The following SPATA6 variants were observed in gnomAD, a reference collection of about 807,000 sequenced individuals.
The protein encoded by SPATA6 is spermatogenesis-associated protein 6.
A neutral mutation model predicts 65.3 loss-of-function variants in SPATA6; 56 were observed. The ratio of observed to expected loss-of-function variants is 0.86; its 90% confidence interval spans 0.69 to 1.07. SPATA6 has a LOEUF of 1.07. Among genes scored for constraint, SPATA6 ranks in the 50% least tolerant of loss-of-function variants. The pLI is 0.00. For missense variants in SPATA6, 590 were observed against 594.8 expected (o/e 0.99, Z 0.08); for synonymous variants, 199 against 213.2 (o/e 0.93, Z 0.58).
chr1:48,301,313 T>G (rs1348602146), intron 12 of SPATA6, among the ~76,000 whole-genome samples: 1 of 147,048 alleles, frequency 6.8e-6, no homozygotes, highest in Non-Finnish European at 1.5e-5. Context: ...GCCAGAAAAG[T>G]GAAAGACTGC....
rs767290511 is a variant in SPATA6, at chr1:48,305,805, TCATAGG to T, written c.1262_1267del (p.Ala421_Tyr422del). ...TTCATACCTATACTCGGGGTCACTG[TCATAGG>T]CAGAGTCTCTACATAAAAGACTTCT... On this transcript the variant is annotated inframe_deletion, in exon 12 of 13. Transcript: ENST00000371847. 3 of 1,611,846 alleles carry T rather than the reference TCATAGG, an allele frequency of 1.9e-6. No individual in the cohort carries two copies. The South Asian group carries it at 3.3e-5, about 18-fold the overall frequency.
At chr1:48,462,793 C>G (rs1214874171) in intron 1 of SPATA6, among the ~76,000 whole-genome samples, 1 of 152,186 alleles carries the variant, frequency 6.6e-6, no homozygotes, top group South Asian at 2.1e-4. Flanking sequence ...ATCTACTTCA[C>G]TGGGTTAAGG....
intron 3 of SPATA6, chr1:48,437,043 A>G (rs1176068567): frequency 4.4e-6 from 7 of 1,604,822 alleles, no homozygotes; most frequent in African/African-American, 1.3e-5. Context: ...AAAGGCCATC[A>G]GCAAGCAGTT....
At chr1:48,446,866 C>T (rs1242404774) in intron 3 of SPATA6, among the ~76,000 whole-genome samples, 1 of 151,994 alleles carries the variant, frequency 6.6e-6, no homozygotes, top group Non-Finnish European at 1.5e-5. Flanking sequence ...TCAATGACAG[C>T]AAAATACAGT....
chr1:48,450,618 A>G (rs890451588), intron 3 of SPATA6, among the ~76,000 whole-genome samples: 1 of 152,214 alleles, frequency 6.6e-6, no homozygotes, highest in African/African-American at 2.4e-5. Flanking sequence ...AGTGGAAAAT[A>G]TAACACCAAG....
intron 11 of SPATA6, among the ~76,000 whole-genome samples, chr1:48,338,994 A>G (rs1557583777): frequency 6.6e-6 from 1 of 152,054 alleles, no homozygotes; most frequent in Non-Finnish European, 1.5e-5. Flanking sequence ...ACTGCTCAAC[A>G]TAACTGGTAA....
Position 48,298,572 on chromosome 1 carries a change from G to C in SPATA6, c.*141C>G, listed in dbSNP as rs1239576830. 5 of 728,750 alleles carry C rather than the reference G, an allele frequency of 6.9e-6. No individual in the cohort carries two copies. The highest frequency in any genetic ancestry group is 1.1e-5 in the Non-Finnish European group (5 of 466,060). The allele number at this position is 728,750 out of a possible 1,614,324, so 45.1% of individuals were successfully genotyped here. A position where few individuals can be genotyped will look rare whatever the true frequency, so the allele number is the denominator to read the frequency against. On this transcript the variant is annotated 3_prime_UTR_variant, in exon 13 of 13. Coordinates refer to ENST00000371847, the MANE Select transcript of SPATA6 (RefSeq NM_019073.4). Reference sequence around the variant, plus strand: ...TGCCTATGATAATTTACCATTTGAAGTAATGAACTTATTCAAGTATAACTA... The same window carrying C: ...TGCCTATGATAATTTACCATTTGAACTAATGAACTTATTCAAGTATAACTA...
At chr1:48,314,361 C>A (rs1462631253) in intron 11 of SPATA6, among the ~76,000 whole-genome samples, 6 of 152,232 alleles carry the variant, frequency 3.9e-5, no homozygotes, top group Middle Eastern at 3.4e-3. Flanking sequence ...ACAGTGCAAT[C>A]AAACTAGAAC....
rs542423737 is a variant in SPATA6, at chr1:48,353,339, C to T, written c.1194+2331G>A. Among the ~76,000 whole-genome samples the T allele has an allele frequency of 5.2e-4, 79 of 150,808 alleles. 2 individuals carry two copies. The South Asian group carries it at 0.016, about 30-fold the overall frequency. ...ATAACAAAATAGTTAAAAAGAACCA[C>T]GAGTTAATACAAAGGAAAATAAATT... On this transcript the variant is annotated intron_variant, in intron 11 of 12. Transcript: ENST00000371847.
chr1:48,300,140 CTCTT>C (rs1284121386), intron 12 of SPATA6, among the ~76,000 whole-genome samples: 4 of 152,144 alleles, frequency 2.6e-5, no homozygotes, highest in Non-Finnish European at 4.4e-5. Context: ...GAAAAGGTAA[CTCTT>C]TCTTAAGGAT....
the SPATA6 span, among the ~76,000 whole-genome samples, chr1:48,286,947 G>T: frequency 5.3e-5 from 8 of 150,850 alleles, no homozygotes; most frequent in African/African-American, 2.0e-4. Flanking sequence ...ACTGAGGCAG[G>T]AGAATCACTT....
intron 11 of SPATA6, among the ~76,000 whole-genome samples, chr1:48,354,972 C>T (rs1324591690): frequency 6.6e-6 from 1 of 151,990 alleles, no homozygotes; most frequent in Non-Finnish European, 1.5e-5. Flanking sequence ...AAACTTAAAA[C>T]TGTAAAAACT....
At chr1:48,453,914 T>C (rs917196819) in intron 1 of SPATA6, among the ~76,000 whole-genome samples, 12 of 150,758 alleles carry the variant, frequency 8.0e-5, no homozygotes, top group African/African-American at 2.9e-4. Flanking sequence ...AGAAACACAA[T>C]TGGTCATAAT....
chr1:48,439,205 T>C (rs898398706), intron 3 of SPATA6, among the ~76,000 whole-genome samples: 1 of 152,164 alleles, frequency 6.6e-6, no homozygotes, highest in Non-Finnish European at 1.5e-5. Flanking sequence ...TTTTTCTCGG[T>C]ACTCTTTGTG....
chr1:48,311,699 T>C (rs963397396), intron 11 of SPATA6, among the ~76,000 whole-genome samples: 1 of 152,150 alleles, frequency 6.6e-6, no homozygotes, highest in African/African-American at 2.4e-5. Context: ...TTCATCTCAC[T>C]AGGGACTGTC....
intron 6 of SPATA6, among the ~76,000 whole-genome samples, chr1:48,401,803 T>C (rs1229336892): frequency 6.6e-6 from 1 of 152,146 alleles, no homozygotes; most frequent in Non-Finnish European, 1.5e-5. Flanking sequence ...TCCACAGAAC[T>C]GTGAGAAACA....
At chr1:48,367,751 A>G (rs1416948875) in intron 9 of SPATA6, among the ~76,000 whole-genome samples, 5 of 152,188 alleles carry the variant, frequency 3.3e-5, no homozygotes, top group South Asian at 2.1e-4. Flanking sequence ...TCTTTATCCA[A>G]TTTGCCAGTC....
intron 3 of SPATA6, among the ~76,000 whole-genome samples, chr1:48,429,238 C>A (rs2148051496): frequency 6.6e-6 from 1 of 152,174 alleles, no homozygotes; most frequent in East Asian, 1.9e-4. Context: ...TGCACCTCAC[C>A]CCATTGTTGC....
intron 9 of SPATA6, among the ~76,000 whole-genome samples, chr1:48,384,433 CT>C (rs1484266318): frequency 8.1e-6 from 1 of 122,744 alleles, no homozygotes; most frequent in African/African-American, 3.2e-5. Flanking sequence ...AGGGGTTTTT[CT>C]TTTGTTTTCC....
Sources: gnomAD v4.1 joint callset for allele counts (sites outside exome capture counted in the v4.1 genomes callset) on GRCh38, gnomAD v4.1.1 for gene constraint, MANE v1.5 for transcripts, NCBI Gene and HGNC (gene_info 2026-07-23, HGNC 2026-07-21) for gene names.